The following ASAP3 variants were observed in gnomAD, a reference collection of about 807,000 sequenced individuals.
The protein encoded by ASAP3 is ArfGAP with SH3 domain, ankyrin repeat and PH domain 3, also known as arf-GAP with SH3 domain, ANK repeat and PH domain-containing protein 3.
ASAP3 carries 85 observed loss-of-function variants against 118.2 expected under a neutral mutation model. The ratio of observed to expected loss-of-function variants is 0.72; its 90% CI spans 0.60 to 0.86. ASAP3 has a LOEUF of 0.86. ASAP3 is among the 40% of genes least tolerant of loss of function. ASAP3 has a pLI of 0.00. For synonymous variants in ASAP3, 432 were observed against 477.4 expected, an observed-to-expected ratio of 0.90 and a Z score of 1.24; for missense variants, 1,026 against 1,175.0, an observed-to-expected ratio of 0.87 and a Z score of 1.85.
intron 21 of ASAP3, 48 bp from the exon 22 acceptor site, chr1:23,433,320 G>A: frequency 1.9e-6 from 3 of 1,608,764 alleles, no homozygotes; most frequent in Non-Finnish European, 2.5e-6. Flanking sequence ...TTCCTCCGGT[G>A]TAGCCCTGTC....
chr1:23,441,534 G>T, intron 8 of ASAP3, 61 bp from the exon 9 acceptor site: 2 of 1,605,570 alleles, frequency 1.2e-6, no homozygotes, highest in Non-Finnish European at 1.7e-6. Flanking sequence ...ACAGAGCCCA[G>T]ACCCAGAAGA....
intron 17 of ASAP3, among the ~76,000 whole-genome samples, chr1:23,435,015 C>G (rs1445402205): frequency 6.6e-6 from 1 of 152,164 alleles, no homozygotes. Flanking sequence ...ATCAGACAGA[C>G]AGTTCAAAGA....
chr1:23,439,571 C>T (rs1394744229), intron 10 of ASAP3, among the ~76,000 whole-genome samples: 1 of 152,150 alleles, frequency 6.6e-6, no homozygotes, highest in Non-Finnish European at 1.5e-5. Flanking sequence ...AGCTCCTAGT[C>T]TGAGAGGCAC....
intron 1 of ASAP3, among the ~76,000 whole-genome samples, chr1:23,456,561 C>G (rs1641395155): frequency 6.6e-6 from 1 of 152,142 alleles, no homozygotes; most frequent in South Asian, 2.1e-4. Flanking sequence ...CTTCTCTGAG[C>G]CTTGAGTGCC....
chr1:23,455,966 A>T lies in ASAP3; in HGVS notation c.263T>A (p.Leu88Gln). Residue 88 changes from leucine to glutamine, a missense_variant, in exon 3 of 25, where the codon CTG becomes CAG. Physicochemically the swap from Leu to Gln is moderately radical, Grantham distance 113 (BLOSUM62 -2). Transcript: ENST00000336689. ...GGACAGCTCATGGCTGTTCTGGGACAGGTGGCTGTTGCCTAAGGATTCCAC... is the reference window on the plus strand; with the variant it reads ...GGACAGCTCATGGCTGTTCTGGGACTGGTGGCTGTTGCCTAAGGATTCCAC... ...EAVESLGNSH[L>Q]SQNSHELSTG... is the part of the protein sequence containing the mutation. 1 of 1,614,186 alleles carries T rather than the reference A, an allele frequency of 6.2e-7. No individual in the cohort carries two copies. The highest frequency in any genetic ancestry group is 8.5e-7 in the Non-Finnish European group (1 of 1,180,048).
chr1:23,448,659 G>A (rs1358607279), intron 5 of ASAP3, among the ~76,000 whole-genome samples: 1 of 151,812 alleles, frequency 6.6e-6, no homozygotes, highest in African/African-American at 2.4e-5. Context: ...TAGAGGCAAG[G>A]TCTCACTATG....
At chr1:23,454,465 C>T (rs1198681872) in intron 3 of ASAP3, among the ~76,000 whole-genome samples, 1 of 152,120 alleles carries the variant, frequency 6.6e-6, no homozygotes, top group Non-Finnish European at 1.5e-5. Context: ...GGATTACAGG[C>T]GTGAGCCACC....
Position 23,429,654 on chromosome 1 carries a change from G to T in ASAP3, c.*202C>A, listed in dbSNP as rs140533046. The T allele has an allele frequency of 5.1e-5, 26 of 511,294 alleles. No homozygotes were observed. The South Asian group carries it at 6.9e-4, about 14-fold the overall frequency. 31.7% of individuals were successfully genotyped at this position (511,294 alleles called of 1,614,324 possible). Reference sequence around the variant, plus strand: ...GCGGGTAATGAGATAGGAAAGAACCGCCATCAGTCCTAACAGGGAAAGGCC... The same window carrying T: ...GCGGGTAATGAGATAGGAAAGAACCTCCATCAGTCCTAACAGGGAAAGGCC... On this transcript the variant is annotated 3_prime_UTR_variant, in exon 25 of 25. Transcript: ENST00000336689.
At position 23,436,836 on chromosome 1, in the gene ASAP3, G is replaced by T. The variant is rs563937244; in HGVS notation, c.1476+75C>A. ...CTCGGCCAGGTCCCACCCACAACCT[G>T]CAAGCCCCGCCCCCGGATGAAACTA... On this transcript the variant is annotated intron_variant, in intron 15 of 24. Coordinates refer to ENST00000336689, the MANE Select transcript of ASAP3 (RefSeq NM_017707.4). The surrounding 1 kb of genome is among the most constrained non-coding windows in gnomAD (Gnocchi z 4.2). 1.7e-3 allele frequency: 2,692 copies of T among 1,562,088 alleles called. 6 individuals carry two copies. Among genetic ancestry groups the T allele is most frequent in the Admixed American group, 3.3e-3 (182 of 55,862 alleles).
intron 3 of ASAP3, among the ~76,000 whole-genome samples, chr1:23,455,024 A>G (rs563434447): frequency 1.1e-4 from 17 of 152,178 alleles, no homozygotes; most frequent in Non-Finnish European, 2.1e-4. Flanking sequence ...CTGGAGCCAC[A>G]AGAGCTGGTC....
At position 23,433,194 on chromosome 1, in the gene ASAP3, C is replaced by T. The variant is rs765765843; in HGVS notation, c.2206G>A (p.Val736Ile). The T allele has an allele frequency of 1.9e-6, 3 of 1,614,162 alleles. No homozygotes were observed. The highest frequency in any genetic ancestry group is 1.1e-5 in the South Asian group (1 of 91,088). The change falls in exon 22 of 25, where the codon GTC becomes ATC. Residue 736 changes from valine (V) to isoleucine (I), a missense_variant. Physicochemically the swap from Val to Ile is conservative, Grantham distance 29. Coordinates refer to ENST00000336689, the MANE Select transcript of ASAP3 (RefSeq NM_017707.4). ...LDISNKTYET[V>I]ASLGAATPQG... ...GGGGTGGCTGCTCCCAGGCTGGCGACAGTCTCATAGGTCTTGTTGCTGATG... is the reference window on the plus strand; with the variant it reads ...GGGGTGGCTGCTCCCAGGCTGGCGATAGTCTCATAGGTCTTGTTGCTGATG...
intron 4 of ASAP3, 43 bp from the exon 5 acceptor site, chr1:23,451,571 G>T: frequency 6.3e-7 from 1 of 1,594,768 alleles, no homozygotes; most frequent in Non-Finnish European, 8.6e-7. Context: ...GGAAGCTGGA[G>T]CACTGGAATA....
intron 1 of ASAP3, among the ~76,000 whole-genome samples, chr1:23,465,520 G>C (rs1641739062): frequency 6.6e-6 from 1 of 151,580 alleles, no homozygotes; most frequent in Middle Eastern, 3.4e-3. Flanking sequence ...TTTTTTGGGG[G>C]GGGGATAGAC....
intron 4 of ASAP3, 131 bp from the exon 5 acceptor site, chr1:23,451,659 CCCTGCCCCCACAGTCCTGCTGCAAA>C: frequency 7.1e-6 from 7 of 982,310 alleles, no homozygotes; most frequent in African/African-American, 1.6e-5. Flanking sequence ...TCTAACCAGC[CCCTGCCCCCACAGTCCTGCTGCAAA>C]CCTGCCCCCA....
chr1:23,456,225 A>T (rs1176973028), intron 1 of ASAP3, 31 bp from the exon 2 acceptor site: 1 of 1,606,872 alleles, frequency 6.2e-7, no homozygotes, highest in Non-Finnish European at 8.5e-7. Context: ...AGGTTCAGGG[A>T]TGCCAAGCTG....
In ASAP3 at chr1:23,434,589, A is replaced by G. The variant is rs370894403; in HGVS notation, c.1779T>C (p.Ala593=). The G allele has an allele frequency of 4.2e-5, 67 of 1,614,048 alleles. No homozygotes were observed. Among genetic ancestry groups the G allele is most frequent in the Non-Finnish European group, 5.3e-5 (63 of 1,180,048 alleles). ...QAPEELVLHL[A]VKVANQASLP... Reference sequence around the variant, plus strand: ...GGGAAGCCTGGTTGGCGACTTTGACAGCCAAATGCAAGACGAGTTCTTCAG... The same window carrying G: ...GGGAAGCCTGGTTGGCGACTTTGACGGCCAAATGCAAGACGAGTTCTTCAG... Residue 593 remains alanine, a synonymous_variant, in exon 18 of 25, where the codon GCT becomes GCC. Transcript: ENST00000336689.
Position 23,436,801 on chromosome 1 carries a change from C to T in ASAP3, c.1476+110G>A. On this transcript the variant is annotated intron_variant, in intron 15 of 24. Transcript: ENST00000336689. This position sits in a 1 kb window ranked among gnomAD's most constrained non-coding sequence, Gnocchi z 4.2. Reference sequence around the variant, plus strand: ...CCTGACCACCCGCTACCTGGCTTGTCCCAGCCCACCTCGGCCAGGTCCCAC... The same window carrying T: ...CCTGACCACCCGCTACCTGGCTTGTTCCAGCCCACCTCGGCCAGGTCCCAC... The T allele has an allele frequency of 6.6e-7, 1 of 1,519,834 alleles. No homozygotes were observed. The highest frequency in any genetic ancestry group is 8.9e-7 in the Non-Finnish European group (1 of 1,128,884). 94.1% of individuals were successfully genotyped at this position (1,519,834 alleles called of 1,614,324 possible). A position where few individuals can be genotyped will look rare whatever the true frequency, so the allele number is the denominator to read the frequency against.
At chr1:23,484,444 G>C (rs1642446176), upstream of ASAP3, 1 of 124,652 alleles carries the variant, frequency 8.0e-6, no homozygotes, top group Admixed American at 1.3e-4. Flanking sequence ...CACCGCCTCA[G>C]ACCCCGCCCC....
Position 23,428,707 on chromosome 1 carries a change from C to A in ASAP3, c.*1149G>T, listed in dbSNP as rs1026685000. 1 of 152,968 alleles carries A rather than the reference C, an allele frequency of 6.5e-6. No homozygotes were observed. Among genetic ancestry groups the A allele is most frequent in the Admixed American group, 6.5e-5 (1 of 15,298 alleles). 9.5% of individuals were successfully genotyped at this position (152,968 alleles called of 1,614,324 possible). On this transcript the variant is annotated 3_prime_UTR_variant, in exon 25 of 25. Coordinates refer to ENST00000336689, the MANE Select transcript of ASAP3 (RefSeq NM_017707.4). ...TCTCCAGGGGAAACAGCACAGCCTCCCCAGCCAGGCAGCTGTGTTGGCCAT... is the reference window on the plus strand; with the variant it reads ...TCTCCAGGGGAAACAGCACAGCCTCACCAGCCAGGCAGCTGTGTTGGCCAT...
Sources: allele counts gnomAD v4.1 joint callset (sites outside exome capture counted in the v4.1 genomes callset), GRCh38; gene constraint gnomAD v4.1.1; non-coding constraint Gnocchi (gnomAD v3.1); transcripts MANE v1.5; gene names NCBI Gene and HGNC (gene_info 2026-07-23, HGNC 2026-07-21).